Variants in CCSER1 observed in about 807,000 individuals in gnomAD.
CCSER1 encodes serine-rich coiled-coil domain-containing protein 1.
A neutral mutation model predicts 82.0 loss-of-function variants in CCSER1; 41 were observed. The observed-to-expected ratio is 0.50, with a 90% CI of 0.39 to 0.65. The LOEUF is 0.65. Among genes scored for constraint, CCSER1 ranks in the 30% least tolerant of loss-of-function variants. The probability of loss-of-function intolerance (pLI) is 0.00; values close to 1 mark genes in which losing one functional copy is unlikely to be tolerated. For missense variants in CCSER1, 1,119 were observed against 1,064.2 expected, an observed-to-expected ratio of 1.05 and a Z score of -0.72; for synonymous variants, 414 against 383.9, an observed-to-expected ratio of 1.08 and a Z score of -0.92.
chr4:91,217,038 C>G (rs112427340), intron 10 of CCSER1, among the ~76,000 whole-genome samples: 8,815 of 152,154 alleles, frequency 0.058, 499 homozygotes, highest in African/African-American at 0.15. Context: ...TGGCGCGTCG[C>G]GAGTCTGTCC....
chr4:90,296,227 T>C (rs1579019063), intron 1 of CCSER1, among the ~76,000 whole-genome samples: 1 of 152,124 alleles, frequency 6.6e-6, no homozygotes, highest in South Asian at 2.1e-4. Context: ...TGAACAATTA[T>C]TCAGTCATGT....
At chr4:90,358,405 C>T (rs1744726194) in intron 3 of CCSER1, among the ~76,000 whole-genome samples, 1 of 152,112 alleles carries the variant, frequency 6.6e-6, no homozygotes, top group African/African-American at 2.4e-5. Context: ...ATCACATTTT[C>T]CTCACTTCAA....
chr4:90,416,673 G>C (rs1560486024), intron 4 of CCSER1, among the ~76,000 whole-genome samples: 1 of 152,010 alleles, frequency 6.6e-6, no homozygotes, highest in Non-Finnish European at 1.5e-5. Context: ...ATTTTTTGTA[G>C]ACCCTAGTTT....
chr4:91,169,387 G>T (rs895180962), intron 10 of CCSER1, among the ~76,000 whole-genome samples: 1 of 152,040 alleles, frequency 6.6e-6, no homozygotes, highest in African/African-American at 2.4e-5. Flanking sequence ...TTGGGAGGCC[G>T]AGGCGGGTGG....
At chr4:90,290,639 C>T (rs952495448) in intron 1 of CCSER1, among the ~76,000 whole-genome samples, 11 of 151,852 alleles carry the variant, frequency 7.2e-5, no homozygotes, top group African/African-American at 2.2e-4. Context: ...CTCTCTCGCT[C>T]GCTTGTTTTT....
intron 7 of CCSER1, chr4:90,724,942 A>G: frequency 2.5e-6 from 1 of 398,208 alleles, no homozygotes; most frequent in South Asian, 1.9e-5. Context: ...ATAATTATAG[A>G]AGGCTATGAA....
intron 3 of CCSER1, among the ~76,000 whole-genome samples, chr4:90,333,136 C>G (rs990814639): frequency 1.3e-5 from 2 of 152,080 alleles, no homozygotes; most frequent in East Asian, 3.9e-4. Flanking sequence ...TGGATCATGT[C>G]AGGGGGTGCA....
intron 7 of CCSER1, among the ~76,000 whole-genome samples, chr4:90,786,759 C>T (rs1754578070): frequency 6.6e-6 from 1 of 152,178 alleles, no homozygotes; most frequent in Admixed American, 6.5e-5. Context: ...GAGCAGCAGA[C>T]ACCAGCTGGG....
intron 3 of CCSER1, among the ~76,000 whole-genome samples, chr4:90,374,663 C>T (rs993543114): frequency 1.3e-5 from 2 of 152,120 alleles, no homozygotes; most frequent in Non-Finnish European, 2.9e-5. Context: ...ACTCATGGTA[C>T]ATTGACATCA....
At chr4:91,296,483 A>ATATATATATATT (rs1175690764) in intron 10 of CCSER1, among the ~76,000 whole-genome samples, 3 of 124,046 alleles carry the variant, frequency 2.4e-5, no homozygotes, top group South Asian at 2.4e-4. Flanking sequence ...ATATATATAT[A>ATATATATATATT]TATTTTAATT....
chr4:91,016,130 A>T (rs1446717945), intron 9 of CCSER1, among the ~76,000 whole-genome samples: 2 of 152,042 alleles, frequency 1.3e-5, no homozygotes, highest in Non-Finnish European at 2.9e-5. Flanking sequence ...AACAAAAATA[A>T]TTATAGTTTT....
At chr4:90,906,924 A>G (rs1209193380) in intron 8 of CCSER1, among the ~76,000 whole-genome samples, 1 of 152,022 alleles carries the variant, frequency 6.6e-6, no homozygotes, top group Non-Finnish European at 1.5e-5. Context: ...TGTGTGTGTG[A>G]ATGTATTTGT....
At chr4:91,325,941 G>A (rs1005211796) in intron 10 of CCSER1, among the ~76,000 whole-genome samples, 4 of 151,408 alleles carry the variant, frequency 2.6e-5, no homozygotes, top group South Asian at 2.1e-4. Context: ...AGAAATGAAC[G>A]TCCATCTTCA....
At chr4:90,743,175 C>A (rs1746834574) in intron 7 of CCSER1, among the ~76,000 whole-genome samples, 2 of 152,106 alleles carry the variant, frequency 1.3e-5, no homozygotes, top group South Asian at 2.1e-4. Flanking sequence ...CTTTAAAATG[C>A]ATTCCAAAAG....
At chr4:90,204,207 T>G (rs1738331968) in intron 1 of CCSER1, among the ~76,000 whole-genome samples, 1 of 152,244 alleles carries the variant, frequency 6.6e-6, no homozygotes, top group Admixed American at 6.5e-5. Flanking sequence ...TAGATCCCAT[T>G]TGTCAATTTT....
At chr4:90,662,166 T>G (rs1249722147) in intron 6 of CCSER1, among the ~76,000 whole-genome samples, 2 of 151,878 alleles carry the variant, frequency 1.3e-5, no homozygotes, top group East Asian at 1.9e-4. Context: ...GCCCAGCTAA[T>G]TTTTTGTATT....
intron 8 of CCSER1, among the ~76,000 whole-genome samples, chr4:90,867,745 G>A (rs1181827653): frequency 6.6e-6 from 1 of 151,824 alleles, no homozygotes; most frequent in African/African-American, 2.4e-5. Flanking sequence ...TTGGCTCCAT[G>A]AGCTTAATTA....
chr4:91,368,545 T>C (rs1749801960), intron 10 of CCSER1, among the ~76,000 whole-genome samples: 1 of 152,148 alleles, frequency 6.6e-6, no homozygotes, highest in Admixed American at 6.5e-5. Flanking sequence ...TAAAAACATA[T>C]AAGAGATATG....
intron 6 of CCSER1, among the ~76,000 whole-genome samples, chr4:90,697,041 A>G (rs1413461237): frequency 2.6e-5 from 4 of 152,284 alleles, no homozygotes; most frequent in East Asian, 1.9e-4. Flanking sequence ...CTGGGATGAG[A>G]TAAGAGACTT....
Sources: gnomAD v4.1 joint callset for allele counts (sites outside exome capture counted in the v4.1 genomes callset) on GRCh38, gnomAD v4.1.1 for gene constraint, MANE v1.5 for transcripts, NCBI Gene and HGNC (gene_info 2026-07-23, HGNC 2026-07-21) for gene names.